Variants in GSK3B observed in about 807,000 individuals in gnomAD.
GSK3B encodes the protein glycogen synthase kinase 3 beta, also known as glycogen synthase kinase-3 beta.
GSK3B carries 15 observed loss-of-function variants against 56.4 expected under a neutral mutation model. The observed-to-expected ratio is 0.27, with a 90% confidence interval of 0.18 to 0.41. The LOEUF (loss-of-function observed/expected upper bound fraction) is 0.41. Among genes scored for constraint, GSK3B ranks in the 10% least tolerant of loss-of-function variants. The pLI is 1.00. For synonymous variants in GSK3B, 181 were observed against 188.9 expected (o/e 0.96, Z 0.34); for missense variants, 300 against 513.4 (o/e 0.58, Z 4.02).
intron 3 of GSK3B, among the ~76,000 whole-genome samples, chr3:119,937,027 A>G (rs2057002424): frequency 6.6e-6 from 1 of 152,144 alleles, no homozygotes; most frequent in Non-Finnish European, 1.5e-5. Flanking sequence ...GACTGAAATC[A>G]TATGAAATAT....
chr3:119,980,337 A>G (rs2057448070), intron 2 of GSK3B, among the ~76,000 whole-genome samples: 1 of 152,140 alleles, frequency 6.6e-6, no homozygotes, highest in South Asian at 2.1e-4. Flanking sequence ...CAGCCCAAAC[A>G]AAATCATCTT....
At chr3:119,881,263 T>C (rs1304669981) in intron 7 of GSK3B, among the ~76,000 whole-genome samples, 1 of 152,138 alleles carries the variant, frequency 6.6e-6, no homozygotes, top group Non-Finnish European at 1.5e-5. Context: ...ATAGTTTACA[T>C]AGTAAAACTG....
At chr3:120,091,044 G>C (rs1469112636) in intron 1 of GSK3B, among the ~76,000 whole-genome samples, 1 of 151,946 alleles carries the variant, frequency 6.6e-6, no homozygotes, top group Non-Finnish European at 1.5e-5. Context: ...AATACACCTT[G>C]TCCGCAGGAA....
intron 1 of GSK3B, among the ~76,000 whole-genome samples, chr3:120,048,104 C>T (rs1197589471): frequency 6.6e-6 from 1 of 152,058 alleles, no homozygotes; most frequent in Non-Finnish European, 1.5e-5. Context: ...TGTCTAGAAC[C>T]GTTAAAGCCA....
At chr3:119,982,777 C>A (rs1158612714) in intron 2 of GSK3B, among the ~76,000 whole-genome samples, 1 of 152,188 alleles carries the variant, frequency 6.6e-6, no homozygotes, top group Non-Finnish European at 1.5e-5. Context: ...AGTTGGAAAA[C>A]ACTCTGCAGG....
chr3:120,061,951 C>T (rs1471746049), intron 1 of GSK3B, among the ~76,000 whole-genome samples: 2 of 151,962 alleles, frequency 1.3e-5, no homozygotes, highest in African/African-American at 2.4e-5. Flanking sequence ...ACGGTGGTCT[C>T]GAACTCCCCA....
chr3:119,977,387 T>C (rs2057418147), intron 2 of GSK3B, among the ~76,000 whole-genome samples: 1 of 152,154 alleles, frequency 6.6e-6, no homozygotes, highest in South Asian at 2.1e-4. Flanking sequence ...CCAGCCTATA[T>C]GACTGAGAAC....
At chr3:120,000,998 C>T (rs1368826979) in intron 2 of GSK3B, among the ~76,000 whole-genome samples, 3 of 144,614 alleles carry the variant, frequency 2.1e-5, no homozygotes, top group African/African-American at 7.8e-5. Context: ...GATCTCGGCT[C>T]ACTACAAGCT....
intron 2 of GSK3B, among the ~76,000 whole-genome samples, chr3:119,948,312 A>C (rs1015979427): frequency 1.3e-5 from 2 of 152,304 alleles, no homozygotes; most frequent in African/African-American, 4.8e-5. Context: ...ATGCGTTGGG[A>C]CCAAAGAACC....
intron 10 of GSK3B, among the ~76,000 whole-genome samples, chr3:119,828,085 T>C (rs749797905): frequency 3.3e-5 from 5 of 152,130 alleles, no homozygotes; most frequent in African/African-American, 9.7e-5. Flanking sequence ...CCCATAAATA[T>C]ATACACCTAC....
At chr3:119,892,316 C>T (rs1213376603) in intron 7 of GSK3B, among the ~76,000 whole-genome samples, 1 of 152,164 alleles carries the variant, frequency 6.6e-6, no homozygotes, top group East Asian at 1.9e-4. Flanking sequence ...ATTCTATCAA[C>T]CCCACCAGGC....
intron 1 of GSK3B, among the ~76,000 whole-genome samples, chr3:120,036,659 G>A (rs1488122009): frequency 6.6e-6 from 1 of 152,020 alleles, no homozygotes; most frequent in Non-Finnish European, 1.5e-5. Flanking sequence ...TGGGCATGGT[G>A]GCGGGCACCT....
intron 1 of GSK3B, among the ~76,000 whole-genome samples, chr3:120,086,673 T>C (rs1347449282): frequency 6.6e-6 from 1 of 152,098 alleles, no homozygotes; most frequent in African/African-American, 2.4e-5. Context: ...CGCATGCCTA[T>C]AGTCCCAGTT....
chr3:119,914,547 G>A (rs1164488867), intron 5 of GSK3B, among the ~76,000 whole-genome samples: 1 of 152,000 alleles, frequency 6.6e-6, no homozygotes, highest in African/African-American at 2.4e-5. Context: ...ATCTGATTTG[G>A]GCAGTTTTTC....
At chr3:119,891,083 A>T (rs991735845) in intron 7 of GSK3B, among the ~76,000 whole-genome samples, 1 of 152,034 alleles carries the variant, frequency 6.6e-6, no homozygotes, top group Non-Finnish European at 1.5e-5. Flanking sequence ...CAAAGTAAGT[A>T]TAGGTAATGT....
chr3:119,927,317 G>T, intron 3 of GSK3B, among the ~76,000 whole-genome samples: 1 of 152,130 alleles, frequency 6.6e-6, no homozygotes, highest in African/African-American at 2.4e-5. Context: ...AATGGGTATG[G>T]AGAGGAGACT....
chr3:120,015,902 C>G (rs2057822577), intron 1 of GSK3B, among the ~76,000 whole-genome samples: 1 of 152,028 alleles, frequency 6.6e-6, no homozygotes, highest in Non-Finnish European at 1.5e-5. Context: ...TATAGAAAAG[C>G]CTTACAAGTA....
intron 1 of GSK3B, among the ~76,000 whole-genome samples, chr3:120,030,827 A>G (rs1233515794): frequency 6.6e-6 from 1 of 152,316 alleles, no homozygotes; most frequent in African/African-American, 2.4e-5. Flanking sequence ...AACACACAAT[A>G]ATGTCCTGAG....
At chr3:119,928,182 A>G (rs532684868) in intron 3 of GSK3B, among the ~76,000 whole-genome samples, 1 of 152,352 alleles carries the variant, frequency 6.6e-6, no homozygotes, top group Non-Finnish European at 1.5e-5. Context: ...GAGAACTGGG[A>G]GTTGGTAACT....
Sources: allele counts gnomAD v4.1 joint callset (sites outside exome capture counted in the v4.1 genomes callset), GRCh38; gene constraint gnomAD v4.1.1; transcripts MANE v1.5; gene names NCBI Gene and HGNC (gene_info 2026-07-23, HGNC 2026-07-21).